The following KCNQ5 variants were observed in gnomAD, a reference collection of about 807,000 sequenced individuals.
KCNQ5 encodes potassium voltage-gated channel subfamily KQT member 5.
Under a neutral mutation model 98.2 loss-of-function variants are expected in KCNQ5, and 30 were observed. The ratio of observed to expected loss-of-function variants is 0.31; its 90% CI spans 0.23 to 0.41. The LOEUF (loss-of-function observed/expected upper bound fraction) is 0.41. Among genes scored for constraint, KCNQ5 ranks in the 10% least tolerant of loss-of-function variants. KCNQ5 has a pLI of 1.00. For missense variants in KCNQ5, 835 were observed against 1,182.5 expected (o/e 0.71, Z 4.31); for synonymous variants, 458 against 449.4 (o/e 1.02, Z -0.24).
At chr6:73,017,967 G>A (rs1206302614) in intron 2 of KCNQ5, among the ~76,000 whole-genome samples, 2 of 152,032 alleles carry the variant, frequency 1.3e-5, no homozygotes, top group Non-Finnish European at 2.9e-5. Context: ...ACTCACTCTG[G>A]TTCTCACTCC....
chr6:72,987,387 G>T (rs1236128478), intron 1 of KCNQ5: 4 of 715,322 alleles, frequency 5.6e-6, no homozygotes, highest in Non-Finnish European at 1.1e-5. Context: ...AGGCAAAACG[G>T]AAGCTTGTGA....
At chr6:72,979,774 G>T (rs1768344704) in intron 1 of KCNQ5, among the ~76,000 whole-genome samples, 1 of 152,150 alleles carries the variant, frequency 6.6e-6, no homozygotes, top group South Asian at 2.1e-4. Context: ...GAATGGTAAT[G>T]CCTAGGTTTT....
intron 1 of KCNQ5, among the ~76,000 whole-genome samples, chr6:72,778,893 G>A (rs1387490801): frequency 6.6e-6 from 1 of 152,168 alleles, no homozygotes; most frequent in African/African-American, 2.4e-5. Flanking sequence ...ATATAGAAGA[G>A]GTGCCACTAT....
At chr6:73,102,406 A>G (rs1774820809) in intron 5 of KCNQ5, among the ~76,000 whole-genome samples, 1 of 152,222 alleles carries the variant, frequency 6.6e-6, no homozygotes, top group Non-Finnish European at 1.5e-5. Flanking sequence ...CATCACGTGA[A>G]AAAGCTTCTG....
At chr6:72,948,089 T>C (rs1766631892) in intron 1 of KCNQ5, among the ~76,000 whole-genome samples, 1 of 152,230 alleles carries the variant, frequency 6.6e-6, no homozygotes, top group African/African-American at 2.4e-5. Context: ...AAAAGCAATT[T>C]ATCAACTTTT....
chr6:73,094,105 GT>G (rs1178281314), intron 5 of KCNQ5, among the ~76,000 whole-genome samples: 2 of 152,060 alleles, frequency 1.3e-5, no homozygotes, highest in African/African-American at 4.8e-5. Flanking sequence ...GTGCATATAC[GT>G]TTAGGATTGT....
At chr6:72,834,734 C>G (rs1776429120) in intron 1 of KCNQ5, among the ~76,000 whole-genome samples, 3 of 152,224 alleles carry the variant, frequency 2.0e-5, no homozygotes, top group South Asian at 2.1e-4. Context: ...CAAAGCAAGG[C>G]CTGTAATCTT....
chr6:73,151,710 T>C (rs1197876587), intron 10 of KCNQ5, among the ~76,000 whole-genome samples: 3 of 152,244 alleles, frequency 2.0e-5, no homozygotes, highest in African/African-American at 7.2e-5. Flanking sequence ...ATTCTCCTTT[T>C]ACCTGAGCTG....
At chr6:72,736,622 C>T (rs534767698) in intron 1 of KCNQ5, among the ~76,000 whole-genome samples, 1 of 147,138 alleles carries the variant, frequency 6.8e-6, no homozygotes, top group Non-Finnish European at 1.5e-5. Flanking sequence ...GCCTCAGCCT[C>T]CCAAGTAGCT....
chr6:72,939,727 C>T (rs1317539), intron 1 of KCNQ5, among the ~76,000 whole-genome samples: 145,042 of 152,260 alleles, frequency 0.95, 69,366 homozygotes, highest in Non-Finnish European at 1. Flanking sequence ...TGCAAGCCTG[C>T]AAATCAGAGA....
At chr6:72,736,600 C>G (rs932948804) in intron 1 of KCNQ5, among the ~76,000 whole-genome samples, 1 of 144,002 alleles carries the variant, frequency 6.9e-6, no homozygotes, top group Non-Finnish European at 1.5e-5. Flanking sequence ...CCCGGGTTCA[C>G]GCCATTCTCC....
rs141419545 is a variant in KCNQ5 at position 72,905,665 on chromosome 6, C to T, written c.399-98243C>T. On this transcript the variant is annotated intron_variant, in intron 1 of 13. Transcript: ENST00000370398. ...ATCTCTCTTCTGGGTCTAGTCACCTCACTCCTGGCTGGTACTGGGGGTTGT... is the reference window on the plus strand; with the variant it reads ...ATCTCTCTTCTGGGTCTAGTCACCTTACTCCTGGCTGGTACTGGGGGTTGT... Among the ~76,000 whole-genome samples, 11 of 152,136 alleles carry T rather than the reference C, an allele frequency of 7.2e-5. No individual in the cohort carries two copies. The East Asian group carries it at 2.1e-3, about 29-fold the overall frequency.
At chr6:72,652,325 AATT>A (rs1765919079) in intron 1 of KCNQ5, among the ~76,000 whole-genome samples, 1 of 151,506 alleles carries the variant, frequency 6.6e-6, no homozygotes, top group African/African-American at 2.4e-5. Flanking sequence ...AAGAAATTTT[AATT>A]ATGTGCTTCC....
At chr6:72,982,494 T>G (rs1413665043) in intron 1 of KCNQ5, among the ~76,000 whole-genome samples, 3 of 144,766 alleles carry the variant, frequency 2.1e-5, no homozygotes, top group Non-Finnish European at 4.5e-5. Flanking sequence ...CTGCTTTTTT[T>G]TTTTTTTTTT....
chr6:72,859,202 A>G (rs1777657112), intron 1 of KCNQ5, among the ~76,000 whole-genome samples: 1 of 152,104 alleles, frequency 6.6e-6, no homozygotes, highest in Admixed American at 6.5e-5. Context: ...ATAATATTTG[A>G]AGTTTTATTA....
chr6:73,041,918 T>G lies in KCNQ5; in HGVS notation c.490-18T>G. ...CTCCATAATGCTTCTCTCTGATATG[T>G]CTTATCTGATATTTTAGGAGTTCGT... On this transcript the variant is annotated intron_variant, in intron 2 of 13. Coordinates refer to ENST00000370398, the MANE Select transcript of KCNQ5 (RefSeq NM_019842.4). 1 of 1,613,638 alleles carries G rather than the reference T, an allele frequency of 6.2e-7. No individual in the cohort carries two copies. Among genetic ancestry groups the G allele is most frequent in the Non-Finnish European group, 8.5e-7 (1 of 1,179,582 alleles).
At chr6:72,952,244 G>GAC (rs965317313) in intron 1 of KCNQ5, among the ~76,000 whole-genome samples, 16 of 152,186 alleles carry the variant, frequency 1.1e-4, no homozygotes, top group African/African-American at 3.1e-4. Context: ...CATGTACACA[G>GAC]ACACACACAC....
chr6:72,880,523 A>T (rs142286170), intron 1 of KCNQ5, among the ~76,000 whole-genome samples: 5 of 152,344 alleles, frequency 3.3e-5, no homozygotes, highest in Non-Finnish European at 7.3e-5. Context: ...AATTATTCAG[A>T]CCATAGCACT....
intron 1 of KCNQ5, among the ~76,000 whole-genome samples, chr6:72,901,524 A>G (rs1450565243): frequency 6.6e-6 from 1 of 152,158 alleles, no homozygotes; most frequent in East Asian, 1.9e-4. Context: ...TGATTTTTGT[A>G]TAAGGTGAGA....
Sources: gnomAD v4.1 joint callset for allele counts (sites outside exome capture counted in the v4.1 genomes callset) on GRCh38, gnomAD v4.1.1 for gene constraint, MANE v1.5 for transcripts, NCBI Gene and HGNC (gene_info 2026-07-23, HGNC 2026-07-21) for gene names.